Variants in INPP5D observed in about 807,000 individuals in gnomAD.
INPP5D encodes inositol polyphosphate-5-phosphatase D, also known as phosphatidylinositol 3,4,5-trisphosphate 5-phosphatase 1.
INPP5D carries 33 observed loss-of-function variants against 122.9 expected under a neutral mutation model. That is an observed-to-expected ratio of 0.27 (90% confidence interval 0.20 to 0.36). INPP5D has a LOEUF of 0.36. Among genes scored for constraint, INPP5D ranks in the 10% least tolerant of loss-of-function variants. INPP5D has a pLI of 1.00. For missense variants in INPP5D, 1,053 were observed against 1,412.7 expected, an observed-to-expected ratio of 0.75 and a Z score of 4.08; for synonymous variants, 584 against 576.2, an observed-to-expected ratio of 1.01 and a Z score of -0.19.
chr2:233,159,494 T>C (rs1167910535), intron 10 of INPP5D, among the ~76,000 whole-genome samples: 4 of 150,276 alleles, frequency 2.7e-5, no homozygotes. Context: ...GACCAAGAGT[T>C]CGAGACTAGC....
chr2:233,124,619 GCCC>G (rs961524123), intron 3 of INPP5D, among the ~76,000 whole-genome samples: 2 of 152,178 alleles, frequency 1.3e-5, no homozygotes, highest in Non-Finnish European at 2.9e-5. Context: ...CTGAACAGCT[GCCC>G]CCAGGCGCCC....
rs909977243 is a variant in INPP5D, at chr2:233,105,754, C to T, written c.199-16353C>T. 2.0e-5 allele frequency among the ~76,000 whole-genome samples: 3 copies of T among 152,126 alleles called. No homozygotes were observed. The highest frequency in any genetic ancestry group is 4.8e-5 in the African/African-American group (2 of 41,410). The stretch of plus-strand genomic sequence containing the variant: ...TGGGGCGGATCTTGACGAGTAGCTT[C>T]GAGGACAGGGGCCACAGGAGGACAG... On this transcript the variant is annotated intron_variant, in intron 2 of 26. Transcript: ENST00000445964. This position sits in a 1 kb window ranked among gnomAD's most constrained non-coding sequence, Gnocchi z 4.0.
intron 9 of INPP5D, among the ~76,000 whole-genome samples, chr2:233,156,793 T>G (rs1694065869): frequency 1.3e-5 from 2 of 152,188 alleles, no homozygotes; most frequent in South Asian, 4.1e-4. Flanking sequence ...GGAAAACAGG[T>G]GCTCAGCATA....
intron 25 of INPP5D, among the ~76,000 whole-genome samples, chr2:233,200,202 G>T (rs1695296846): frequency 1.3e-5 from 2 of 152,220 alleles, no homozygotes; most frequent in Admixed American, 6.5e-5. Flanking sequence ...CGAGGAACAG[G>T]GTCAGCACTT....
chr2:233,198,469 G>A, intron 25 of INPP5D, 93 bp downstream of exon 25: 2 of 1,476,382 alleles, frequency 1.4e-6, no homozygotes, highest in Non-Finnish European at 9.0e-7. Context: ...CCTCATAAGG[G>A]CCACAATTTG....
chr2:233,098,565 C>G (rs971675767), intron 2 of INPP5D, among the ~76,000 whole-genome samples: 3 of 152,188 alleles, frequency 2.0e-5, no homozygotes, highest in African/African-American at 7.2e-5. Flanking sequence ...CCCGGTTCTC[C>G]CCTCAGGAGA....
At chr2:233,198,512 C>A in intron 25 of INPP5D, 136 bp downstream of exon 25, 1 of 1,356,364 alleles carries the variant, frequency 7.4e-7, no homozygotes. Context: ...TCCCTGGGGC[C>A]TGAACACAGC....
chr2:233,124,090 G>T (rs944026125), intron 3 of INPP5D, among the ~76,000 whole-genome samples: 1 of 151,756 alleles, frequency 6.6e-6, no homozygotes, highest in South Asian at 2.1e-4. Flanking sequence ...ACCTGCACAG[G>T]TACCCCTGAA....
rs898255275 is a variant in INPP5D at position 233,188,838 on chromosome 2, T to C, written c.2359-1012T>C. 4.8e-4 allele frequency among the ~76,000 whole-genome samples: 73 copies of C among 152,238 alleles called. No homozygotes were observed. The highest frequency in any genetic ancestry group is 1.7e-3 in the African/African-American group (71 of 41,554). On this transcript the variant is annotated intron_variant, in intron 21 of 26. Transcript: ENST00000445964. The surrounding 1 kb of genome is among the most constrained non-coding windows in gnomAD (Gnocchi z 4.7). Reference sequence around the variant, plus strand: ...TCGGCCTCCCAAAGTGCTGTGATTATAGGCATGAGCCACTGCACCTGGCCT... The same window carrying C: ...TCGGCCTCCCAAAGTGCTGTGATTACAGGCATGAGCCACTGCACCTGGCCT...
intron 13 of INPP5D, among the ~76,000 whole-genome samples, chr2:233,165,378 A>G (rs1694303278): frequency 6.6e-6 from 1 of 150,642 alleles, no homozygotes; most frequent in Admixed American, 6.6e-5. Context: ...GAGTCCATGC[A>G]TGTGTGTTTG....
At chr2:233,096,300 CA>C (rs1692138328) in intron 2 of INPP5D, among the ~76,000 whole-genome samples, 1 of 152,174 alleles carries the variant, frequency 6.6e-6, no homozygotes, top group Non-Finnish European at 1.5e-5. Context: ...TAATTTTCAG[CA>C]GACAATGAGT....
chr2:233,186,146 C>T lies in INPP5D; in HGVS notation c.2358+221C>T, dbSNP rs116187037. 4.0e-3 allele frequency among the ~76,000 whole-genome samples: 616 copies of T among 152,322 alleles called. 7 individuals are homozygous for T. The highest frequency in any genetic ancestry group is 0.014 in the African/African-American group (584 of 41,578). On this transcript the variant is annotated intron_variant, in intron 21 of 26. Transcript: ENST00000445964. ...TGGCCTTATTATTCCTAAATGGTTT[C>T]AGTTCCCCTAAAGGATCACAGAAGG...
intron 25 of INPP5D, among the ~76,000 whole-genome samples, chr2:233,202,577 G>A (rs907323539): frequency 1.3e-5 from 2 of 152,178 alleles, no homozygotes; most frequent in Non-Finnish European, 2.9e-5. Flanking sequence ...TTGAGTGCCT[G>A]TGAGCAGCTT....
intron 2 of INPP5D, among the ~76,000 whole-genome samples, chr2:233,091,291 C>T (rs981168713): frequency 6.6e-6 from 1 of 152,174 alleles, no homozygotes. Flanking sequence ...TTATCGCTGT[C>T]TGCAAGGGGA....
chr2:233,200,413 T>C (rs969589510), intron 25 of INPP5D, among the ~76,000 whole-genome samples: 5 of 152,264 alleles, frequency 3.3e-5, no homozygotes, highest in African/African-American at 1.2e-4. Context: ...GGCTCTTTGC[T>C]GGCTTATCAT....
intron 2 of INPP5D, among the ~76,000 whole-genome samples, chr2:233,088,733 C>T (rs970559007): frequency 7.9e-5 from 12 of 152,198 alleles, no homozygotes; most frequent in Admixed American, 1.3e-4. Flanking sequence ...ATGGGGTCAC[C>T]GGGCAGAGGC....
intron 2 of INPP5D, among the ~76,000 whole-genome samples, chr2:233,090,089 C>T (rs775471487): frequency 4.6e-5 from 7 of 152,222 alleles, no homozygotes; most frequent in East Asian, 1.9e-4. Flanking sequence ...GGGTCTCAGT[C>T]GCCCGAGTGT....
At position 233,177,740 on chromosome 2, in the gene INPP5D, A is replaced by G. The variant is rs1209162118; in HGVS notation, c.2071+394A>G. ...CAGGCTCCTGCCACCATGCCTGGCTAATTTTTGTATTTTTAGTAGAGACGG... is the reference window on the plus strand; with the variant it reads ...CAGGCTCCTGCCACCATGCCTGGCTGATTTTTGTATTTTTAGTAGAGACGG... On this transcript the variant is annotated intron_variant, in intron 18 of 26. Coordinates refer to ENST00000445964, the MANE Select transcript of INPP5D (RefSeq NM_001017915.3). This position sits in a 1 kb window ranked among gnomAD's most constrained non-coding sequence, Gnocchi z 4.2. 5.9e-5 allele frequency among the ~76,000 whole-genome samples: 9 copies of G among 151,832 alleles called. No individual in the cohort carries two copies. Among genetic ancestry groups the G allele is most frequent in the African/African-American group, 2.2e-4 (9 of 41,320 alleles).
chr2:233,094,101 C>G (rs373422830), intron 2 of INPP5D, among the ~76,000 whole-genome samples: 1 of 151,850 alleles, frequency 6.6e-6, no homozygotes, highest in Non-Finnish European at 1.5e-5. Context: ...CCCCTCCCCC[C>G]CCAAAAAAGA....
Sources: allele counts gnomAD v4.1 joint callset (sites outside exome capture counted in the v4.1 genomes callset), GRCh38; gene constraint gnomAD v4.1.1; non-coding constraint Gnocchi (gnomAD v3.1); transcripts MANE v1.5; gene names NCBI Gene and HGNC (gene_info 2026-07-23, HGNC 2026-07-21).